DNAH2: variants seen among roughly 807,000 people sequenced by gnomAD.
DNAH2 encodes dynein axonemal heavy chain 2.
DNAH2 carries 323 observed loss-of-function variants against 523.5 expected under a neutral mutation model. That is an observed-to-expected ratio of 0.62 (90% CI 0.56 to 0.68). The LOEUF (loss-of-function observed/expected upper bound fraction) is 0.68. Ranked by LOEUF, DNAH2 falls within the 30% of genes least tolerant of loss-of-function variation. The pLI, the probability that DNAH2 is intolerant of heterozygous loss-of-function variation, is 0.00. For synonymous variants in DNAH2, 2,093 were observed against 2,177.4 expected (o/e 0.96, Z 1.08); for missense variants, 4,907 against 5,701.5 (o/e 0.86, Z 4.49).
Position 7,831,664 on chromosome 17 carries a change from C to T in DNAH2, c.12615C>T (p.Phe4205=). The change falls in exon 82 of 86, where the codon TTC becomes TTT. Residue 4205 remains phenylalanine, a synonymous_variant. Transcript: ENST00000572933. The surrounding 1 kb of genome is among the most constrained non-coding windows in gnomAD (Gnocchi z 4.2). The part of the protein sequence containing the change: ...RYNTLMQTIL[F]SLTDLEKGIQ... ...CACTCCACCTCATCCTGCTCAGGTT[C>T]TCACTGACAGACCTAGAGAAAGGCA... The T allele has an allele frequency of 1.2e-6, 2 of 1,614,102 alleles. No homozygotes were observed. The highest frequency in any genetic ancestry group is 8.5e-7 in the Non-Finnish European group (1 of 1,179,966).
intron 74 of DNAH2, 84 bp downstream of exon 74, chr17:7,823,712 C>A: frequency 1.3e-6 from 2 of 1,580,440 alleles, no homozygotes; most frequent in Non-Finnish European, 1.7e-6. Context: ...TCCTCCATCC[C>A]CTCTCCCAGC....
chr17:7,793,511 C>CTTTCTTTCTT (rs2076973911), intron 48 of DNAH2, among the ~76,000 whole-genome samples: 1 of 127,428 alleles, frequency 7.8e-6, no homozygotes, highest in Admixed American at 8.1e-5. Flanking sequence ...TTCTTTCTTT[C>CTTTCTTTCTT]TTTCTTCTCT....
intron 28 of DNAH2, among the ~76,000 whole-genome samples, chr17:7,772,855 C>A (rs1386956403): frequency 6.6e-6 from 1 of 152,228 alleles, no homozygotes; most frequent in East Asian, 1.9e-4. Flanking sequence ...GTCACCACAA[C>A]CTCCACCTCC....
chr17:7,757,943 C>T (rs546816513), intron 13 of DNAH2, among the ~76,000 whole-genome samples: 29 of 152,280 alleles, frequency 1.9e-4, no homozygotes, highest in Admixed American at 9.2e-4. Flanking sequence ...CTAATCACCT[C>T]CCAGAGGTCC....
Position 7,742,958 on chromosome 17 carries a change from A to T in DNAH2, c.1720A>T (p.Ile574Phe), listed in dbSNP as rs374156146. 1.2e-5 allele frequency: 17 copies of T among 1,474,304 alleles called. No homozygotes were observed. The highest frequency in any genetic ancestry group is 1.0e-4 in the African/African-American group (7 of 70,324). 91.3% of individuals were successfully genotyped at this position (1,474,304 alleles called of 1,614,324 possible). The change falls in exon 12 of 86, where the codon ATT becomes TTT. Residue 574 changes from isoleucine to phenylalanine, a missense_variant. Ile to Phe is a conservative substitution (Grantham distance 21). Transcript: ENST00000572933. ...TGCTGGTGCTCATTTCCTGCCCCGTATTGGGACTGGAAAGGAGAGTGTGCA... is the reference window on the plus strand; with the variant it reads ...TGCTGGTGCTCATTTCCTGCCCCGTTTTGGGACTGGAAAGGAGAGTGTGCA... ...CLAGAHFLPR[I>F]GTGKESVHTY...
In DNAH2 at chr17:7,797,277, C is replaced by T; in HGVS notation, c.7949+16C>T. The T allele has an allele frequency of 1.2e-6, 2 of 1,614,002 alleles. No individual in the cohort carries two copies. The highest frequency in any genetic ancestry group is 1.7e-6 in the Non-Finnish European group (2 of 1,179,986). On this transcript the variant is annotated intron_variant, in intron 51 of 85. Transcript: ENST00000572933. The stretch of plus-strand genomic sequence containing the variant: ...AATGTTTCAGGTGACATGCATGTGC[C>T]CTGGCCAAACGAAGGCTTCCTCAGC...
In DNAH2 at chr17:7,740,704, C is replaced by T. The variant is rs752900840; in HGVS notation, c.1507-106C>T. On this transcript the variant is annotated intron_variant, in intron 10 of 85. Coordinates refer to ENST00000572933, the MANE Select transcript of DNAH2 (RefSeq NM_020877.5). ...TTCTGTTCCCTGGCTTCGGCGTCCCCGGGAGTGTGACTCCCGCAGCGGGGT... is the reference window on the plus strand; with the variant it reads ...TTCTGTTCCCTGGCTTCGGCGTCCCTGGGAGTGTGACTCCCGCAGCGGGGT... The T allele has an allele frequency of 5.2e-6, 8 of 1,533,324 alleles. No homozygotes were observed. In the East Asian group the frequency reaches 1.8e-4, roughly 35 times the overall value. 95.0% of individuals were successfully genotyped at this position (1,533,324 alleles called of 1,614,324 possible). A position where few individuals can be genotyped will look rare whatever the true frequency, so the allele number is the denominator to read the frequency against.
chr17:7,824,486 A>C (rs1436445700), intron 76 of DNAH2, 51 bp from the exon 77 acceptor site: 3 of 1,468,084 alleles, frequency 2.0e-6, no homozygotes, highest in Non-Finnish European at 2.7e-6. Context: ...AAGCATGAGG[A>C]CAGGCAGGGC....
chr17:7,721,004 C>CTTTTTTTTTTTT (rs71159523), intron 2 of DNAH2, among the ~76,000 whole-genome samples: 3 of 109,726 alleles, frequency 2.7e-5, no homozygotes, highest in African/African-American at 3.3e-5. Flanking sequence ...TTCTTTCTTT[C>CTTTTTTTTTTTT]TTTTTTTTTT....
At chr17:7,751,700 A>G (rs955955663) in intron 12 of DNAH2, among the ~76,000 whole-genome samples, 3 of 152,044 alleles carry the variant, frequency 2.0e-5, no homozygotes, top group Non-Finnish European at 4.4e-5. Context: ...CATGTGCAGG[A>G]ACCAAACTGT....
chr17:7,776,622 C>T (rs1240125970), intron 31 of DNAH2, among the ~76,000 whole-genome samples, 157 bp from the exon 32 acceptor site: 1 of 152,182 alleles, frequency 6.6e-6, no homozygotes, highest in Non-Finnish European at 1.5e-5. Flanking sequence ...CAAGCTGGAC[C>T]CTTAGCTCCT....
At chr17:7,778,249 G>T (rs753700316) in intron 34 of DNAH2, 31 bp from the exon 35 acceptor site, 8 of 1,613,936 alleles carry the variant, frequency 5.0e-6, no homozygotes, top group Non-Finnish European at 6.8e-6. Flanking sequence ...GCTTCCAGGA[G>T]TCTGACTCTA....
intron 73 of DNAH2, among the ~76,000 whole-genome samples, chr17:7,822,957 T>G (rs2077901532): frequency 6.6e-6 from 1 of 152,006 alleles, no homozygotes; most frequent in African/African-American, 2.4e-5. Context: ...AGCCCCCACG[T>G]TTATTCCCCA....
intron 39 of DNAH2, among the ~76,000 whole-genome samples, chr17:7,784,248 A>G (rs1395281326): frequency 6.6e-6 from 1 of 152,246 alleles, no homozygotes; most frequent in East Asian, 1.9e-4. Context: ...AGAAAGAGAC[A>G]AATCTAGTAT....
intron 56 of DNAH2, among the ~76,000 whole-genome samples, chr17:7,801,314 G>A (rs536162929): frequency 6.6e-6 from 1 of 152,186 alleles, no homozygotes; most frequent in East Asian, 1.9e-4. Flanking sequence ...TTAGAGACGA[G>A]GAAACTGGCA....
At chr17:7,727,480 G>A (rs1567603997) in intron 4 of DNAH2, among the ~76,000 whole-genome samples, 188 bp downstream of exon 4, 3 of 152,172 alleles carry the variant, frequency 2.0e-5, no homozygotes, top group Admixed American at 6.5e-5. Flanking sequence ...TGGGCTGGGC[G>A]CGGTGGCTCA....
rs2077789848 is a variant in DNAH2, at chr17:7,819,417, G to A, written c.11015+9G>A. On this transcript the variant is annotated intron_variant, in intron 72 of 85. Transcript: ENST00000572933. ...ACCTACGCTGTCTACAGGTCTGAGGGTGCCCCCAACATGCCCCAGCCCGGA... is the reference window on the plus strand; with the variant it reads ...ACCTACGCTGTCTACAGGTCTGAGGATGCCCCCAACATGCCCCAGCCCGGA... 1 of 1,613,970 alleles carries A rather than the reference G, an allele frequency of 6.2e-7. No homozygotes were observed. Among genetic ancestry groups the A allele is most frequent in the Non-Finnish European group, 8.5e-7 (1 of 1,179,936 alleles).
Position 7,797,661 on chromosome 17 carries a change from C to T in DNAH2, c.8081-19C>T. On this transcript the variant is annotated intron_variant, in intron 52 of 85. Coordinates refer to ENST00000572933, the MANE Select transcript of DNAH2 (RefSeq NM_020877.5). ...AAACCAGGCATTTGTGACTCTGATC[C>T]CCTCTTCCCATGGCTCAGGGGATTT... 2 of 1,614,000 alleles carry T rather than the reference C, an allele frequency of 1.2e-6. No homozygotes were observed. Among genetic ancestry groups the T allele is most frequent in the Non-Finnish European group, 1.7e-6 (2 of 1,180,026 alleles).
chr17:7,830,148 C>T, intron 77 of DNAH2, 152 bp from the exon 78 acceptor site: 1 of 727,000 alleles, frequency 1.4e-6, no homozygotes. Flanking sequence ...TAGATCTTGG[C>T]ATGTAGATCA....
Sources: gnomAD v4.1 joint callset for allele counts (sites outside exome capture counted in the v4.1 genomes callset) on GRCh38, gnomAD v4.1.1 for gene constraint, Gnocchi (gnomAD v3.1) non-coding constraint, MANE v1.5 for transcripts, NCBI Gene and HGNC (gene_info 2026-07-23, HGNC 2026-07-21) for gene names.